Variants in ZFPM2 observed in about 807,000 individuals in gnomAD.
ZFPM2 encodes zinc finger protein, FOG family member 2, also known as zinc finger protein ZFPM2.
In ZFPM2, 20 loss-of-function variants were observed where a neutral mutation model predicts 98.6. That is an observed-to-expected ratio of 0.20 (90% CI 0.14 to 0.29). ZFPM2 has a LOEUF of 0.29. Ranked by LOEUF, ZFPM2 falls within the 10% of genes least tolerant of loss-of-function variation. ZFPM2 has a pLI of 1.00. For missense variants in ZFPM2, 1,310 were observed against 1,388.6 expected (o/e 0.94, Z 0.90); for synonymous variants, 518 against 502.7 (o/e 1.03, Z -0.41).
chr8:105,394,604 A>T, intron 1 of ZFPM2, among the ~76,000 whole-genome samples: 1 of 152,256 alleles, frequency 6.6e-6, no homozygotes, highest in Middle Eastern at 3.4e-3. Flanking sequence ...CTCTTTTAGG[A>T]TGGATATTAT....
At chr8:105,700,903 T>C (rs1205655392) in intron 5 of ZFPM2, among the ~76,000 whole-genome samples, 3 of 152,200 alleles carry the variant, frequency 2.0e-5, no homozygotes, top group African/African-American at 7.2e-5. Context: ...CCCTATCAGT[T>C]CTAATATGAC....
intron 1 of ZFPM2, among the ~76,000 whole-genome samples, chr8:105,393,335 TGC>T (rs368275116): frequency 0.35 from 44,372 of 125,116 alleles, 7,861 homozygotes; most frequent in Admixed American, 0.48. Context: ...TCTCTCTCTT[TGC>T]CTTTCTTTCT....
chr8:105,511,396 G>A (rs1813814596), intron 3 of ZFPM2, among the ~76,000 whole-genome samples: 1 of 152,138 alleles, frequency 6.6e-6, no homozygotes, highest in South Asian at 2.1e-4. Flanking sequence ...AAACATAAAG[G>A]CAAAACAATT....
Position 105,713,585 on chromosome 8 carries a change from C to A in ZFPM2, c.533-75133C>A, listed in dbSNP as rs575602771. Among the ~76,000 whole-genome samples, 32 of 151,860 alleles carry A rather than the reference C, an allele frequency of 2.1e-4. No homozygotes were observed. In the South Asian group the frequency reaches 6.7e-3, roughly 32 times the overall value. On this transcript the variant is annotated intron_variant, in intron 5 of 7. Transcript: ENST00000407775. ...ACTTTTGAGGACTTAGTCATAAATT[C>A]TTTACCTAGGCTGATGTCTTACATT...
At chr8:105,792,657 G>A (rs546769901) in intron 6 of ZFPM2, among the ~76,000 whole-genome samples, 77 of 152,194 alleles carry the variant, frequency 5.1e-4, no homozygotes, top group East Asian at 3.1e-3. Flanking sequence ...TTTCTGTCTC[G>A]TTGATCTGTC....
At chr8:105,419,717 T>C (rs1811755132) in intron 2 of ZFPM2, among the ~76,000 whole-genome samples, 2 of 152,190 alleles carry the variant, frequency 1.3e-5, no homozygotes, top group South Asian at 4.1e-4. Flanking sequence ...TCTCATTCCT[T>C]TTGAAAACCG....
At chr8:105,526,480 A>G (rs1814175428) in intron 3 of ZFPM2, among the ~76,000 whole-genome samples, 1 of 152,306 alleles carries the variant, frequency 6.6e-6, no homozygotes, top group East Asian at 1.9e-4. Context: ...GGTTGTTTTT[A>G]TATGTTTGAA....
intron 3 of ZFPM2, among the ~76,000 whole-genome samples, chr8:105,537,937 G>T (rs1413100592): frequency 6.6e-6 from 1 of 151,870 alleles, no homozygotes. Context: ...TCACCATGTT[G>T]GCCAGGATGG....
intron 3 of ZFPM2, among the ~76,000 whole-genome samples, chr8:105,523,652 TCC>T (rs1814109779): frequency 6.6e-6 from 1 of 152,164 alleles, no homozygotes. Context: ...CCCCCCTACC[TCC>T]GTGCCAGTGG....
chr8:105,428,675 T>A (rs1288858611), intron 2 of ZFPM2, among the ~76,000 whole-genome samples: 1 of 152,150 alleles, frequency 6.6e-6, no homozygotes, highest in Non-Finnish European at 1.5e-5. Context: ...CAAAGTGAAC[T>A]CTTTAAAATA....
intron 2 of ZFPM2, among the ~76,000 whole-genome samples, chr8:105,419,895 A>C (rs1357675999): frequency 6.8e-6 from 1 of 147,636 alleles, no homozygotes; most frequent in Non-Finnish European, 1.5e-5. Flanking sequence ...TCCAGCCATG[A>C]CTTGGAGCCA....
intron 6 of ZFPM2, chr8:105,795,708 C>T (rs1586276831): frequency 5.2e-6 from 2 of 386,898 alleles, no homozygotes; most frequent in South Asian, 3.9e-5. Context: ...GATTTTACTT[C>T]ATAAAAAAGA....
At chr8:105,582,460 T>C (rs1191393515) in intron 4 of ZFPM2, among the ~76,000 whole-genome samples, 1 of 152,100 alleles carries the variant, frequency 6.6e-6, no homozygotes. Flanking sequence ...GTTACTAAAA[T>C]CCTGCAATGC....
chr8:105,632,197 T>G (rs1057405028), intron 4 of ZFPM2, among the ~76,000 whole-genome samples: 1 of 152,042 alleles, frequency 6.6e-6, no homozygotes. Flanking sequence ...TGAGACAGAG[T>G]CTAGCCCTGT....
intron 5 of ZFPM2, among the ~76,000 whole-genome samples, chr8:105,643,102 G>T (rs906588413): frequency 1.3e-5 from 2 of 152,100 alleles, no homozygotes; most frequent in African/African-American, 4.8e-5. Flanking sequence ...GAGGGTACAC[G>T]TGATGAAATC....
intron 3 of ZFPM2, among the ~76,000 whole-genome samples, chr8:105,532,896 G>A (rs975211895): frequency 5.3e-5 from 8 of 152,112 alleles, no homozygotes; most frequent in Admixed American, 2.6e-4. Flanking sequence ...AGCAAAGGCT[G>A]TAGCTGAAAA....
intron 5 of ZFPM2, among the ~76,000 whole-genome samples, chr8:105,743,376 AT>A (rs1348426675): frequency 6.6e-6 from 1 of 151,946 alleles, no homozygotes; most frequent in Admixed American, 6.6e-5. Context: ...GAATGACTGA[AT>A]TTTTTTAAAA....
chr8:105,692,067 A>G (rs1026480437), intron 5 of ZFPM2, among the ~76,000 whole-genome samples: 4 of 152,216 alleles, frequency 2.6e-5, no homozygotes, highest in African/African-American at 4.8e-5. Flanking sequence ...TAGAGTCTAT[A>G]GTGGACTCCA....
chr8:105,450,447 A>G (rs1372084029), intron 3 of ZFPM2, among the ~76,000 whole-genome samples: 1 of 152,172 alleles, frequency 6.6e-6, no homozygotes, highest in East Asian at 1.9e-4. Context: ...AACCATAGAT[A>G]TAGTCTGACA....
Sources: gnomAD v4.1 joint callset for allele counts (sites outside exome capture counted in the v4.1 genomes callset) on GRCh38, gnomAD v4.1.1 for gene constraint, MANE v1.5 for transcripts, NCBI Gene and HGNC (gene_info 2026-07-23, HGNC 2026-07-21) for gene names.